Variants in FMNL1 observed in about 807,000 individuals in gnomAD.
The protein encoded by FMNL1 is formin-like protein 1.
A neutral mutation model predicts 121.3 loss-of-function variants in FMNL1; 43 were observed. That is an observed-to-expected ratio of 0.35 (90% CI 0.28 to 0.46). The LOEUF is 0.46. FMNL1 is among the 20% of genes least tolerant of loss of function. The probability of loss-of-function intolerance (pLI) is 1.00; values close to 1 mark genes in which losing one functional copy is unlikely to be tolerated. For missense variants in FMNL1, 1,191 were observed against 1,482.4 expected (o/e 0.80, Z 3.23); for synonymous variants, 613 against 613.5 (o/e 1.00, Z 0.01).
Position 45,242,076 on chromosome 17 carries a change from G to A in FMNL1, c.1815G>A (p.Pro605=), listed in dbSNP as rs1451656205. 3 of 1,448,318 alleles carry A rather than the reference G, an allele frequency of 2.1e-6. No homozygotes were observed. Among genetic ancestry groups the A allele is most frequent in the Admixed American group, 2.2e-5 (1 of 46,084 alleles). 89.7% of individuals were successfully genotyped at this position (1,448,318 alleles called of 1,614,324 possible). The part of the protein sequence containing the change: ...PGTDGPVPPP[P]PPPPPPPGGP... The stretch of plus-strand genomic sequence containing the variant: ...CTGACGGGCCGGTGCCTCCGCCGCC[G>A]CCGCCGCCGCCGCCGCCTCCCGGAG... The change falls in exon 15 of 27, where the codon CCG becomes CCA. Residue 605 remains proline (P), a synonymous_variant. Coordinates refer to ENST00000331495, the MANE Select transcript of FMNL1 (RefSeq NM_005892.4).
intron 11 of FMNL1, among the ~76,000 whole-genome samples, chr17:45,239,804 C>CTTTTTTTTTTTTTTT (rs113701881): frequency 1.4e-5 from 2 of 146,848 alleles, no homozygotes; most frequent in Non-Finnish European, 1.5e-5. Context: ...TCTATGATTG[C>CTTTTTTTTTTTTTTT]TTTTTTTTTG....
At chr17:45,232,312 T>A in intron 2 of FMNL1, 55 bp from the exon 3 acceptor site, 1 of 1,536,926 alleles carries the variant, frequency 6.5e-7, no homozygotes. Context: ...GAACTGGTCA[T>A]TTGCCCTGGG....
Position 45,242,333 on chromosome 17 carries a change from C to T in FMNL1, c.1886-8C>T, listed in dbSNP as rs372334569. ...GTGCTCACCACTGCCCCCAAACCCC[C>T]GTCCCAGGAGTGAAGGCCAAGAAGC... is the stretch of plus-strand genomic sequence containing the variant. On this transcript the variant is annotated splice_polypyrimidine_tract_variant and splice_region_variant and intron_variant, in intron 15 of 26. Coordinates refer to ENST00000331495, the MANE Select transcript of FMNL1 (RefSeq NM_005892.4). 14 of 1,613,322 alleles carry T rather than the reference C, an allele frequency of 8.7e-6. No individual in the cohort carries two copies. The highest frequency in any genetic ancestry group is 1.6e-4 in the Middle Eastern group (1 of 6,078).
intron 1 of FMNL1, among the ~76,000 whole-genome samples, chr17:45,226,297 C>T (rs1333223797): frequency 6.6e-6 from 1 of 152,190 alleles, no homozygotes; most frequent in Non-Finnish European, 1.5e-5. Flanking sequence ...CTCCACTTCC[C>T]CCTGAGAGAG....
In FMNL1 at chr17:45,238,601, A is replaced by T; in HGVS notation, c.932A>T (p.Glu311Val). Residue 311 changes from glutamate (E) to valine (V), a missense_variant, in exon 10 of 27, where the codon GAA (glutamate) becomes GTA (valine). Glu to Val is a moderately radical substitution (Grantham distance 121). Around this residue, in one of 4 missense-constraint regions of FMNL1, gnomAD observed 253 missense variants for 417.5 expected, o/e 0.61. Coordinates refer to ENST00000331495, the MANE Select transcript of FMNL1 (RefSeq NM_005892.4). The part of the protein sequence containing the change: ...GEQHRFEKLM[E>V]YFRNEDSNID... ...CAGCACCGCTTTGAAAAGCTGATGG[A>T]ATATTTCCGGAATGAGGACAGCAAC... is the stretch of plus-strand genomic sequence containing the variant. 1 of 1,614,198 alleles carries T rather than the reference A, an allele frequency of 6.2e-7. No homozygotes were observed. The highest frequency in any genetic ancestry group is 8.5e-7 in the Non-Finnish European group (1 of 1,180,014).
At chr17:45,229,704 G>T (rs2143274244) in intron 1 of FMNL1, among the ~76,000 whole-genome samples, 1 of 152,320 alleles carries the variant, frequency 6.6e-6, no homozygotes, top group East Asian at 1.9e-4. Flanking sequence ...TTGACACCTG[G>T]TTGATTCGGC....
chr17:45,236,110 T>C (rs1172090047), intron 6 of FMNL1, 26 bp from the exon 7 acceptor site: 1 of 1,593,670 alleles, frequency 6.3e-7, no homozygotes. Flanking sequence ...CTCTGACTCC[T>C]GCTGCCTCCT....
Position 45,246,538 on chromosome 17 carries a change from G to C in FMNL1, c.3245G>C (p.Gly1082Ala), listed in dbSNP as rs1399567544. The change falls in exon 26 of 27, where the codon GGC (glycine) becomes GCC (alanine). Residue 1082 changes from glycine (G) to alanine (A), a missense_variant. By Grantham distance (60) the Gly-to-Ala change is moderately conservative. Coordinates refer to ENST00000331495, the MANE Select transcript of FMNL1 (RefSeq NM_005892.4). ...IKTVPFTART[G>A]KRTSRLLCEA... The stretch of plus-strand genomic sequence containing the variant: ...ACGGTGCCCTTCACGGCCCGCACCG[G>C]CAAGCGGACATCCCGGCTCCTCTGT... 4 of 1,613,684 alleles carry C rather than the reference G, an allele frequency of 2.5e-6. No individual in the cohort carries two copies. The highest frequency in any genetic ancestry group is 3.4e-6 in the Non-Finnish European group (4 of 1,179,770).
At position 45,241,908 on chromosome 17, in the gene FMNL1, C is replaced by T. The variant is rs1328637683; in HGVS notation, c.1647C>T (p.Pro549=). 2.1e-6 allele frequency: 3 copies of T among 1,406,942 alleles called. No individual in the cohort carries two copies. Among genetic ancestry groups the T allele is most frequent in the East Asian group, 3.0e-5 (1 of 33,634 alleles). 87.2% of individuals were successfully genotyped at this position (1,406,942 alleles called of 1,614,324 possible). A position where few individuals can be genotyped will look rare whatever the true frequency, so the allele number is the denominator to read the frequency against. The change falls in exon 15 of 27, where the codon CCC becomes CCT. Residue 549 remains proline (P), a synonymous_variant. Transcript: ENST00000331495. This position sits in a 1 kb window ranked among gnomAD's most constrained non-coding sequence, Gnocchi z 7.0. ...CGCCACCGCCGCCGCCCCCACTGCC[C>T]GGCCTCCCCTCCCCGCAGGAAGCCC... The part of the protein sequence containing the change: ...GAAPPPPPPL[P]GLPSPQEAPP...
chr17:45,237,922 G>T lies in FMNL1; in HGVS notation c.894+283G>T. 1 of 375,954 alleles carries T rather than the reference G, an allele frequency of 2.7e-6. No homozygotes were observed. The highest frequency in any genetic ancestry group is 5.0e-6 in the Non-Finnish European group (1 of 202,004). The allele number at this position is 375,954 out of a possible 1,614,324, so 23.3% of individuals were successfully genotyped here. ...ACTCAGCCTTGCCAGATCCAAACTA[G>T]CCTTGGTTCATACCTCCAGGAGTTG... On this transcript the variant is annotated intron_variant, in intron 9 of 26. Coordinates refer to ENST00000331495, the MANE Select transcript of FMNL1 (RefSeq NM_005892.4). The surrounding 1 kb of genome is among the most constrained non-coding windows in gnomAD (Gnocchi z 4.4).
At chr17:45,244,798 C>G in intron 19 of FMNL1, 21 bp from the exon 20 acceptor site, 1 of 1,602,116 alleles carries the variant, frequency 6.2e-7, no homozygotes, top group Non-Finnish European at 8.5e-7. Context: ...TTCTGCTGAG[C>G]CTTTCTCCTG....
At chr17:45,242,561 C>A in intron 16 of FMNL1, 96 bp downstream of exon 16, 1 of 1,503,380 alleles carries the variant, frequency 6.7e-7, no homozygotes, top group South Asian at 1.3e-5. Flanking sequence ...TTTCTCCAAG[C>A]CATTTCACAG....
At chr17:45,223,793 G>A (rs977332588) in intron 1 of FMNL1, among the ~76,000 whole-genome samples, 12 of 152,216 alleles carry the variant, frequency 7.9e-5, no homozygotes, top group Non-Finnish European at 1.8e-4. Flanking sequence ...CTATGGTCGC[G>A]GGTGTGGGCT....
chr17:45,232,089 G>A (rs2043451144), intron 2 of FMNL1, among the ~76,000 whole-genome samples: 1 of 152,152 alleles, frequency 6.6e-6, no homozygotes, highest in Non-Finnish European at 1.5e-5. Flanking sequence ...TAGGAGGATC[G>A]CTTGAGCCCG....
intron 1 of FMNL1, among the ~76,000 whole-genome samples, chr17:45,228,769 G>A (rs188157678): frequency 2.4e-4 from 37 of 152,248 alleles, no homozygotes; most frequent in Admixed American, 2.3e-3. Flanking sequence ...GATTCATGTC[G>A]GGAAGCAGCT....
Position 45,241,449 on chromosome 17 carries a change from C to T in FMNL1, c.1400C>T (p.Pro467Leu), listed in dbSNP as rs2043691357. The change falls in exon 14 of 27, where the codon CCC (proline) becomes CTC (leucine). Residue 467 changes from proline to leucine, a missense_variant. By Grantham distance (98) the Pro-to-Leu change is moderately conservative. Around this residue, in one of 4 missense-constraint regions of FMNL1, gnomAD observed 519 missense variants for 492.8 expected, o/e 1.05. Transcript: ENST00000331495. This position sits in a 1 kb window ranked among gnomAD's most constrained non-coding sequence, Gnocchi z 7.0. ...RRPPEPEKAPPAAPTRPSALE... is the reference protein window; with the variant it reads ...RRPPEPEKAPLAAPTRPSALE... ...CCCCCAGAGCCTGAGAAAGCGCCTC[C>T]CGCTGCCCCGACGCGGCCCTCGGCC... 6.4e-7 allele frequency: 1 copy of T among 1,565,514 alleles called. No homozygotes were observed. Among genetic ancestry groups the T allele is most frequent in the Non-Finnish European group, 8.7e-7 (1 of 1,155,760 alleles).
At chr17:45,243,040 G>T in intron 16 of FMNL1, 78 bp from the exon 17 acceptor site, 1 of 1,508,486 alleles carries the variant, frequency 6.6e-7, no homozygotes, top group East Asian at 2.3e-5. Flanking sequence ...CAGATGGATG[G>T]CTCTAGCACT....
Position 45,241,946 on chromosome 17 carries a change from C to A in FMNL1, c.1685C>A (p.Pro562His), listed in dbSNP as rs1192767612. The A allele has an allele frequency of 1.4e-5, 19 of 1,347,286 alleles. No homozygotes were observed. In the African/African-American group the frequency reaches 3.0e-4, roughly 21 times the overall value. 83.5% of individuals were successfully genotyped at this position (1,347,286 alleles called of 1,614,324 possible). The change falls in exon 15 of 27, where the codon CCC becomes CAC. Residue 562 changes from proline to histidine, a missense_variant. Transcript: ENST00000331495. The surrounding 1 kb of genome is among the most constrained non-coding windows in gnomAD (Gnocchi z 7.0). ...PSPQEAPPSA[P>H]PQAPPLPGSP... Reference sequence around the variant, plus strand: ...CCGCAGGAAGCCCCGCCCTCTGCGCCCCCACAGGCCCCGCCTCTCCCTGGC... The same window carrying A: ...CCGCAGGAAGCCCCGCCCTCTGCGCACCCACAGGCCCCGCCTCTCCCTGGC...
At chr17:45,240,409 T>C in intron 11 of FMNL1, 67 bp from the exon 12 acceptor site, 4 of 1,347,048 alleles carry the variant, frequency 3.0e-6, no homozygotes, top group South Asian at 4.2e-5. Flanking sequence ...GGCAGGGGGG[T>C]GGTTTGGAAA....
Sources: allele counts gnomAD v4.1 joint callset (sites outside exome capture counted in the v4.1 genomes callset), GRCh38; gene constraint gnomAD v4.1.1; regional missense constraint gnomAD v4.1.1; non-coding constraint Gnocchi (gnomAD v3.1); transcripts MANE v1.5; gene names NCBI Gene and HGNC (gene_info 2026-07-23, HGNC 2026-07-21).